BRINP3: variants seen among roughly 807,000 people sequenced by gnomAD.
BRINP3 encodes BMP/retinoic acid inducible neural specific 3, also known as BMP/retinoic acid-inducible neural-specific protein 3.
Under a neutral mutation model 71.0 loss-of-function variants are expected in BRINP3, and 19 were observed. That is an observed-to-expected ratio of 0.27 (90% confidence interval 0.19 to 0.39). The LOEUF (loss-of-function observed/expected upper bound fraction) is 0.39, where lower values mean the gene tolerates loss of function less well. Among genes scored for constraint, BRINP3 ranks in the 10% least tolerant of loss-of-function variants. The pLI is 1.00. For missense variants in BRINP3, 959 were observed against 940.8 expected (o/e 1.02, Z -0.25); for synonymous variants, 380 against 337.7 (o/e 1.13, Z -1.37).
intron 6 of BRINP3, among the ~76,000 whole-genome samples, chr1:190,163,539 C>T (rs1033677764): frequency 4.6e-5 from 7 of 152,002 alleles, no homozygotes; most frequent in Non-Finnish European, 5.9e-5. Flanking sequence ...TGGGAATAAA[C>T]ATCATCTAAG....
intron 1 of BRINP3, among the ~76,000 whole-genome samples, chr1:190,470,004 A>G (rs1292322734): frequency 6.6e-6 from 1 of 151,112 alleles, no homozygotes; most frequent in Non-Finnish European, 1.5e-5. Context: ...GTTATTAGTG[A>G]CAGTGAGAAT....
At chr1:190,194,868 G>A (rs1654342916) in intron 6 of BRINP3, among the ~76,000 whole-genome samples, 2 of 151,980 alleles carry the variant, frequency 1.3e-5, no homozygotes, top group Admixed American at 1.3e-4. Flanking sequence ...TGTCTGTTCT[G>A]GAAGATATGA....
At chr1:190,401,407 A>T (rs1443603508) in intron 2 of BRINP3, among the ~76,000 whole-genome samples, 1 of 151,784 alleles carries the variant, frequency 6.6e-6, no homozygotes, top group Non-Finnish European at 1.5e-5. Flanking sequence ...AGGAAAAGAA[A>T]AGCAAACAAT....
intron 2 of BRINP3, among the ~76,000 whole-genome samples, chr1:190,400,850 T>A (rs1285979192): frequency 3.3e-5 from 5 of 152,206 alleles, no homozygotes; most frequent in African/African-American, 9.7e-5. Context: ...TGGTTTTAGA[T>A]AAACATATAG....
At chr1:190,353,997 C>T (rs1201954182) in intron 2 of BRINP3, among the ~76,000 whole-genome samples, 1 of 151,926 alleles carries the variant, frequency 6.6e-6, no homozygotes, top group Non-Finnish European at 1.5e-5. Context: ...ACTGCTGTCA[C>T]AACAAAGTCC....
At chr1:190,320,620 A>T (rs1297744311) in intron 2 of BRINP3, among the ~76,000 whole-genome samples, 2 of 151,982 alleles carry the variant, frequency 1.3e-5, no homozygotes, top group African/African-American at 2.4e-5. Context: ...ACAAGATAAG[A>T]ACCAGCCCTG....
rs574445259 is a variant in BRINP3 at position 190,189,379 on chromosome 1, G to A, written c.962-28489C>T. On this transcript the variant is annotated intron_variant, in intron 6 of 7. Coordinates refer to ENST00000367462, the MANE Select transcript of BRINP3 (RefSeq NM_199051.3). The stretch of plus-strand genomic sequence containing the variant: ...ATTATTCAGTCTTAGTAGGTCTAAT[G>A]TATAAATGATTTGAACATTTTCTCT... 8.5e-5 allele frequency among the ~76,000 whole-genome samples: 13 copies of A among 152,128 alleles called. No individual in the cohort carries two copies. The South Asian group carries it at 2.1e-3, about 24-fold the overall frequency.
chr1:190,311,276 C>T (rs1277492421), intron 2 of BRINP3, among the ~76,000 whole-genome samples: 1 of 151,652 alleles, frequency 6.6e-6, no homozygotes, highest in East Asian at 1.9e-4. Flanking sequence ...TGAAAACTGA[C>T]AATGATTTTT....
At chr1:190,471,755 C>A (rs1172196118) in intron 1 of BRINP3, among the ~76,000 whole-genome samples, 1 of 151,324 alleles carries the variant, frequency 6.6e-6, no homozygotes, top group Non-Finnish European at 1.5e-5. Flanking sequence ...GCTAAGAAAT[C>A]AGATGTCCTT....
intron 6 of BRINP3, among the ~76,000 whole-genome samples, chr1:190,175,659 G>C (rs1012902246): frequency 1.2e-4 from 19 of 152,016 alleles, no homozygotes; most frequent in African/African-American, 4.1e-4. Flanking sequence ...TATTAAAAAA[G>C]AATTAATTAC....
chr1:190,268,284 A>G (rs1436921708), intron 3 of BRINP3, among the ~76,000 whole-genome samples: 1 of 152,174 alleles, frequency 6.6e-6, no homozygotes, highest in East Asian at 1.9e-4. Flanking sequence ...TTTCCCATAG[A>G]GATGGAGTCT....
At chr1:190,218,616 C>A (rs1656608771) in intron 6 of BRINP3, among the ~76,000 whole-genome samples, 1 of 151,774 alleles carries the variant, frequency 6.6e-6, no homozygotes, top group Non-Finnish European at 1.5e-5. Flanking sequence ...ATTCTGTTGG[C>A]AATTTTGAAA....
chr1:190,236,507 A>G (rs1658532575), intron 4 of BRINP3, among the ~76,000 whole-genome samples: 1 of 151,978 alleles, frequency 6.6e-6, no homozygotes, highest in Admixed American at 6.6e-5. Flanking sequence ...CAACTCTATT[A>G]TATTTTCTAA....
chr1:190,446,337 G>T (rs1324961433), intron 2 of BRINP3, among the ~76,000 whole-genome samples: 1 of 151,872 alleles, frequency 6.6e-6, no homozygotes, highest in East Asian at 1.9e-4. Context: ...ATTTATCATT[G>T]CACCAAGTGT....
At chr1:190,364,983 A>T (rs1422439254) in intron 2 of BRINP3, among the ~76,000 whole-genome samples, 1 of 152,124 alleles carries the variant, frequency 6.6e-6, no homozygotes, top group Non-Finnish European at 1.5e-5. Flanking sequence ...TTGGCCTGGA[A>T]TCAGTTAACT....
chr1:190,431,495 T>A (rs1674098281), intron 2 of BRINP3, among the ~76,000 whole-genome samples: 1 of 152,088 alleles, frequency 6.6e-6, no homozygotes, highest in Admixed American at 6.6e-5. Flanking sequence ...TAGCTGGGAT[T>A]ACAGGTGTGC....
At chr1:190,309,298 A>G (rs1665352528) in intron 2 of BRINP3, among the ~76,000 whole-genome samples, 1 of 152,008 alleles carries the variant, frequency 6.6e-6, no homozygotes, top group East Asian at 1.9e-4. Context: ...AGACAGGAGA[A>G]GGAGAAATGG....
At chr1:190,183,112 G>C (rs974336042) in intron 6 of BRINP3, among the ~76,000 whole-genome samples, 1 of 151,914 alleles carries the variant, frequency 6.6e-6, no homozygotes, top group African/African-American at 2.4e-5. Flanking sequence ...TTGAGACTTT[G>C]CATTTTTTCT....
chr1:190,167,478 T>G (rs1235530955), intron 6 of BRINP3, among the ~76,000 whole-genome samples: 1 of 152,098 alleles, frequency 6.6e-6, no homozygotes, highest in Non-Finnish European at 1.5e-5. Flanking sequence ...AGTTTACTAC[T>G]AATAGAGATG....
Sources: gnomAD v4.1 joint callset for allele counts (sites outside exome capture counted in the v4.1 genomes callset) on GRCh38, gnomAD v4.1.1 for gene constraint, MANE v1.5 for transcripts, NCBI Gene and HGNC (gene_info 2026-07-23, HGNC 2026-07-21) for gene names.